Variants in ERC2 observed in about 807,000 individuals in gnomAD.
ERC2 encodes the protein ELKS/RAB6-interacting/CAST family member 2.
Under a neutral mutation model 114.8 loss-of-function variants are expected in ERC2, and 42 were observed. The ratio of observed to expected loss-of-function variants is 0.37; its 90% CI spans 0.29 to 0.47. The LOEUF (loss-of-function observed/expected upper bound fraction) is 0.47, where lower values mean the gene tolerates loss of function less well. Among genes scored for constraint, ERC2 ranks in the 20% least tolerant of loss-of-function variants. The probability of loss-of-function intolerance (pLI) is 0.99; values close to 1 mark genes in which losing one functional copy is unlikely to be tolerated. For missense variants in ERC2, 939 were observed against 1,150.7 expected (o/e 0.82, Z 2.66); for synonymous variants, 454 against 425.5 (o/e 1.07, Z -0.82).
At chr3:56,368,613 C>T (rs1180158395) in intron 2 of ERC2, among the ~76,000 whole-genome samples, 1 of 152,176 alleles carries the variant, frequency 6.6e-6, no homozygotes, top group Non-Finnish European at 1.5e-5. Flanking sequence ...TGGCTATCCT[C>T]CTATGAATGG....
At chr3:55,861,238 A>G (rs145016310) in intron 14 of ERC2, among the ~76,000 whole-genome samples, 1 of 152,350 alleles carries the variant, frequency 6.6e-6, no homozygotes, top group Non-Finnish European at 1.5e-5. Flanking sequence ...CAGATCCATC[A>G]TTCTTGAGGA....
intron 17 of ERC2, among the ~76,000 whole-genome samples, chr3:55,576,576 G>C (rs2056991141): frequency 6.6e-6 from 1 of 152,176 alleles, no homozygotes; most frequent in Non-Finnish European, 1.5e-5. Flanking sequence ...TGCTGCCCAA[G>C]GGCTTCTCAT....
chr3:55,777,529 G>A (rs968213753), intron 14 of ERC2, among the ~76,000 whole-genome samples: 2 of 152,176 alleles, frequency 1.3e-5, no homozygotes, highest in Admixed American at 6.5e-5. Flanking sequence ...CTTATTTATT[G>A]TCAGCCTCCA....
chr3:55,983,813 A>G (rs2070356872), intron 12 of ERC2, among the ~76,000 whole-genome samples: 1 of 152,224 alleles, frequency 6.6e-6, no homozygotes, highest in Non-Finnish European at 1.5e-5. Flanking sequence ...ACACATACAT[A>G]TGTATCTCAA....
At chr3:55,898,813 C>T (rs970758768) in intron 13 of ERC2, among the ~76,000 whole-genome samples, 1 of 151,980 alleles carries the variant, frequency 6.6e-6, no homozygotes, top group African/African-American at 2.4e-5. Context: ...TGTAACAAAC[C>T]AAATTAATCA....
chr3:56,261,818 CGT>C (rs2052949705), intron 3 of ERC2, among the ~76,000 whole-genome samples: 1 of 152,008 alleles, frequency 6.6e-6, no homozygotes, highest in Non-Finnish European at 1.5e-5. Flanking sequence ...TGAGGTATTA[CGT>C]CTAGTATCCA....
chr3:56,142,782 C>G (rs2080932923), intron 5 of ERC2, among the ~76,000 whole-genome samples: 6 of 150,884 alleles, frequency 4.0e-5, no homozygotes, highest in Admixed American at 4.0e-4. Flanking sequence ...TTTATGGTGG[C>G]CTGTTTTCTT....
At chr3:56,450,018 G>T (rs1182010467) in intron 1 of ERC2, among the ~76,000 whole-genome samples, 1 of 152,186 alleles carries the variant, frequency 6.6e-6, no homozygotes, top group Non-Finnish European at 1.5e-5. Context: ...CCCATGATCT[G>T]CAGGCTACAA....
intron 3 of ERC2, among the ~76,000 whole-genome samples, chr3:56,178,931 G>A (rs1438879556): frequency 6.6e-6 from 1 of 152,040 alleles, no homozygotes; most frequent in African/African-American, 2.4e-5. Flanking sequence ...TCATGAAAAG[G>A]TGACGCTTAA....
chr3:56,343,192 T>TCTCTCTCTCACACACACACA (rs1376220124), intron 2 of ERC2, among the ~76,000 whole-genome samples: 1 of 126,130 alleles, frequency 7.9e-6, no homozygotes, highest in African/African-American at 3.0e-5. Flanking sequence ...TCTCTCTCTC[T>TCTCTCTCTCACACACACACA]CACACACACA....
At chr3:56,313,366 A>C (rs2056711400) in intron 2 of ERC2, among the ~76,000 whole-genome samples, 1 of 152,150 alleles carries the variant, frequency 6.6e-6, no homozygotes, top group Non-Finnish European at 1.5e-5. Flanking sequence ...TTATATCTCA[A>C]TAAAGCTGTT....
intron 1 of ERC2, among the ~76,000 whole-genome samples, chr3:56,436,368 A>G (rs755011584): frequency 2.6e-5 from 4 of 152,236 alleles, no homozygotes; most frequent in Non-Finnish European, 5.9e-5. Flanking sequence ...TGTGCCTAGT[A>G]CCAAATAGTC....
intron 14 of ERC2, among the ~76,000 whole-genome samples, chr3:55,800,016 G>T (rs879806973): frequency 1.3e-5 from 2 of 152,190 alleles, no homozygotes; most frequent in African/African-American, 2.4e-5. Context: ...GGACCGAGAT[G>T]ACTTCCATTA....
rs543549464 is a variant in ERC2 at position 56,455,042 on chromosome 3, G to A, written c.-141+13206C>T. ...AGAAAGTATAATGGTGGTTTCCAGG[G>A]GCTGGGGGAATGTGGAGTTATTGTT... On this transcript the variant is annotated intron_variant, in intron 1 of 17. Coordinates refer to ENST00000288221, the MANE Select transcript of ERC2 (RefSeq NM_015576.3). 8.7e-4 allele frequency among the ~76,000 whole-genome samples: 133 copies of A among 152,070 alleles called. 1 individual carries two copies. Among genetic ancestry groups the A allele is most frequent in the Admixed American group, 2.0e-3 (30 of 15,280 alleles).
intron 2 of ERC2, among the ~76,000 whole-genome samples, chr3:56,401,873 A>C (rs1297083847): frequency 3.3e-5 from 5 of 152,198 alleles, no homozygotes; most frequent in African/African-American, 4.8e-5. Flanking sequence ...CATACCCGAG[A>C]CTGGGTAATT....
At chr3:56,286,201 G>T (rs1404790408) in intron 3 of ERC2, among the ~76,000 whole-genome samples, 2 of 151,992 alleles carry the variant, frequency 1.3e-5, no homozygotes, top group East Asian at 3.9e-4. Context: ...ATCACTTAAG[G>T]TCGGGAGTTT....
At chr3:55,732,697 T>C (rs1451567755) in intron 15 of ERC2, among the ~76,000 whole-genome samples, 1 of 152,204 alleles carries the variant, frequency 6.6e-6, no homozygotes, top group Non-Finnish European at 1.5e-5. Context: ...GGAAAAATTA[T>C]CCATTCTGCC....
intron 14 of ERC2, among the ~76,000 whole-genome samples, chr3:55,755,696 T>C (rs9868399): frequency 0.65 from 98,548 of 152,024 alleles, 33,130 homozygotes; most frequent in South Asian, 0.83. Context: ...CTGCCAATGC[T>C]GCCTGCCAAA....
intron 13 of ERC2, 35 bp downstream of exon 13, chr3:55,950,390 T>A (rs1419480032): frequency 6.2e-7 from 1 of 1,610,240 alleles, no homozygotes; most frequent in Non-Finnish European, 8.5e-7. Context: ...CCATCTCTAG[T>A]TATTTAGCGA....
Sources: allele counts gnomAD v4.1 joint callset (sites outside exome capture counted in the v4.1 genomes callset), GRCh38; gene constraint gnomAD v4.1.1; transcripts MANE v1.5; gene names NCBI Gene and HGNC (gene_info 2026-07-23, HGNC 2026-07-21).